The following THAP4 variants were observed in gnomAD, a reference collection of about 807,000 sequenced individuals.
The protein encoded by THAP4 is peroxynitrite isomerase THAP4.
Under a neutral mutation model 48.1 loss-of-function variants are expected in THAP4, and 18 were observed. The ratio of observed to expected loss-of-function variants is 0.37; its 90% CI spans 0.26 to 0.56. The LOEUF (loss-of-function observed/expected upper bound fraction) is 0.56. THAP4 is among the 20% of genes least tolerant of loss of function. The pLI, the probability that THAP4 is intolerant of heterozygous loss-of-function variation, is 0.78. For synonymous variants in THAP4, 345 were observed against 324.9 expected (o/e 1.06, Z -0.66); for missense variants, 656 against 774.9 (o/e 0.85, Z 1.82).
intron 2 of THAP4, among the ~76,000 whole-genome samples, chr2:241,631,214 T>C (rs2067555870): frequency 6.6e-6 from 1 of 152,208 alleles, no homozygotes. Flanking sequence ...GGCTTTGTTT[T>C]CGGTTGTGCT....
At position 241,633,359 on chromosome 2, in the gene THAP4, T is replaced by C. The variant is rs1443096749; in HGVS notation, c.798A>G (p.Glu266=). ...IDRKRLKKDV[E]PSCSGSSLGP... ...CCAGGCTGCTCCCACTGCAGCTTGG[T>C]TCCACATCTTTCTTCAGCCTCTTGC... The change falls in exon 2 of 6, where the codon GAA becomes GAG. Residue 266 remains glutamate, a synonymous_variant. Transcript: ENST00000407315. This position sits in a 1 kb window ranked among gnomAD's most constrained non-coding sequence, Gnocchi z 7.5. 1 of 1,612,666 alleles carries C rather than the reference T, an allele frequency of 6.2e-7. No homozygotes were observed. Among genetic ancestry groups the C allele is most frequent in the Non-Finnish European group, 8.5e-7 (1 of 1,179,956 alleles).
intron 5 of THAP4, among the ~76,000 whole-genome samples, chr2:241,593,377 T>A (rs1364420725): frequency 4.6e-5 from 7 of 152,308 alleles, no homozygotes; most frequent in African/African-American, 1.4e-4. Context: ...GCACTGTGTC[T>A]CCTGCAACAG....
At chr2:241,629,231 A>G (rs2067529407) in intron 2 of THAP4, among the ~76,000 whole-genome samples, 1 of 152,102 alleles carries the variant, frequency 6.6e-6, no homozygotes, top group Non-Finnish European at 1.5e-5. Flanking sequence ...GAGCTTTGGG[A>G]GGCTGAGACG....
Position 241,633,340 on chromosome 2 carries a change from T to C in THAP4, c.817A>G (p.Ser273Gly). 6.2e-7 allele frequency: 1 copy of C among 1,612,632 alleles called. No homozygotes were observed. Among genetic ancestry groups the C allele is most frequent in the Non-Finnish European group, 8.5e-7 (1 of 1,179,994 alleles). Residue 273 changes from serine (S) to glycine (G), a missense_variant, in exon 2 of 6, where the codon AGC (serine) becomes GGC (glycine). Around this residue, in one of 4 missense-constraint regions of THAP4, gnomAD observed 391 missense variants for 412.4 expected, o/e 0.95. Transcript: ENST00000407315. This position sits in a 1 kb window ranked among gnomAD's most constrained non-coding sequence, Gnocchi z 7.5. ...GCCAGGCCCTTGTCGGGTCCCAGGCTGCTCCCACTGCAGCTTGGTTCCACA... is the reference window on the plus strand; with the variant it reads ...GCCAGGCCCTTGTCGGGTCCCAGGCCGCTCCCACTGCAGCTTGGTTCCACA... ...KDVEPSCSGS[S>G]LGPDKGLAQS... is the part of the protein sequence containing the mutation.
intron 4 of THAP4, 192 bp from the exon 5 acceptor site, chr2:241,602,191 C>T (rs935910071): frequency 1.6e-6 from 1 of 613,706 alleles, no homozygotes; most frequent in Non-Finnish European, 2.9e-6. Context: ...CCTCACAGAA[C>T]AGGCAGGTGC....
In THAP4 at chr2:241,601,992, C is replaced by T. The variant is rs1483055645; in HGVS notation, c.1518G>A (p.Val506=). The part of the protein sequence containing the change: ...AFVSAQNTGV[V]EVEEGEVNGQ... ...CGTTCACCTCGCCCTCCTCCACTTC[C>T]ACCACGCCTGCAAGGGAAGGGCAGT... Residue 506 remains valine, a synonymous_variant, in exon 5 of 6, where the codon GTG becomes GTA. Coordinates refer to ENST00000407315, the MANE Select transcript of THAP4 (RefSeq NM_015963.6). The surrounding 1 kb of genome is among the most constrained non-coding windows in gnomAD (Gnocchi z 4.0). The T allele has an allele frequency of 2.5e-6, 4 of 1,611,488 alleles. No individual in the cohort carries two copies. Among genetic ancestry groups the T allele is most frequent in the Admixed American group, 1.7e-5 (1 of 60,012 alleles).
intron 5 of THAP4, among the ~76,000 whole-genome samples, chr2:241,597,023 G>A (rs1366060413): frequency 6.6e-6 from 1 of 152,198 alleles, no homozygotes; most frequent in Non-Finnish European, 1.5e-5. Context: ...AAGTAATTGT[G>A]CTACATTAGA....
chr2:241,606,486 G>T lies in THAP4; in HGVS notation c.1241-13C>A. On this transcript the variant is annotated splice_polypyrimidine_tract_variant and intron_variant, in intron 2 of 5. Coordinates refer to ENST00000407315, the MANE Select transcript of THAP4 (RefSeq NM_015963.6). ...ATCTTGGGGGGCTCTGAGGACAAAA[G>T]AATGAGACTATCAGTGGCCTCCCTC... 1 of 1,589,168 alleles carries T rather than the reference G, an allele frequency of 6.3e-7. No homozygotes were observed. The highest frequency in any genetic ancestry group is 8.6e-7 in the Non-Finnish European group (1 of 1,166,016).
intron 5 of THAP4, among the ~76,000 whole-genome samples, chr2:241,593,327 C>T (rs1339947120): frequency 2.6e-5 from 4 of 152,202 alleles, no homozygotes; most frequent in Non-Finnish European, 4.4e-5. Flanking sequence ...CCCAGCAAGC[C>T]GGCACAGAGC....
intron 5 of THAP4, among the ~76,000 whole-genome samples, chr2:241,587,906 A>G (rs2066911746): frequency 6.6e-6 from 1 of 150,920 alleles, no homozygotes; most frequent in East Asian, 1.9e-4. Context: ...CAAGAGAGAA[A>G]CTCCATCTCA....
At chr2:241,622,532 G>C (rs918955124) in intron 2 of THAP4, among the ~76,000 whole-genome samples, 2 of 152,064 alleles carry the variant, frequency 1.3e-5, no homozygotes, top group Non-Finnish European at 2.9e-5. Context: ...GAGCATCAGA[G>C]AGAAGTAAGT....
At chr2:241,598,489 G>A (rs1239351282) in intron 5 of THAP4, among the ~76,000 whole-genome samples, 1 of 152,140 alleles carries the variant, frequency 6.6e-6, no homozygotes, top group Non-Finnish European at 1.5e-5. Flanking sequence ...CAAACTTTTT[G>A]GCCCCAGGAA....
chr2:241,609,012 C>T (rs1361286919), intron 2 of THAP4, among the ~76,000 whole-genome samples: 5 of 152,188 alleles, frequency 3.3e-5, no homozygotes, highest in African/African-American at 9.6e-5. Flanking sequence ...CCTCACCCCT[C>T]GGAAGGGCCG....
chr2:241,617,459 G>T (rs1559229422), intron 2 of THAP4: 2 of 1,551,040 alleles, frequency 1.3e-6, no homozygotes. Context: ...GGTTCCTCAA[G>T]GTTGTTTTCT....
In THAP4 at chr2:241,606,314, GAGA is replaced by G; in HGVS notation, c.1397_1399del (p.Phe466del). 1 of 1,551,522 alleles carries G rather than the reference GAGA, an allele frequency of 6.4e-7. No individual in the cohort carries two copies. The highest frequency in any genetic ancestry group is 1.2e-5 in the South Asian group (1 of 84,126). ...GGTGGGGTGGAGGGAGACAACTTACGAGAAGTTCAGCATGGGCTGGCCCACGTG... is the reference window on the plus strand; with the variant it reads ...GGTGGGGTGGAGGGAGACAACTTACGAGTTCAGCATGGGCTGGCCCACGTG... On this transcript the variant is annotated inframe_deletion and splice_region_variant, in exon 3 of 6. Coordinates refer to ENST00000407315, the MANE Select transcript of THAP4 (RefSeq NM_015963.6).
upstream of THAP4, chr2:241,637,573 G>C: frequency 6.6e-7 from 1 of 1,507,892 alleles, no homozygotes; most frequent in Non-Finnish European, 8.8e-7. Context: ...GGCGGCTCCC[G>C]CGTATTTCCG....
In THAP4 at chr2:241,621,866, C is replaced by T. The variant is rs189911709; in HGVS notation, c.1240+11051G>A. Among the ~76,000 whole-genome samples the T allele has an allele frequency of 6.0e-3, 898 of 149,434 alleles. 8 individuals carry two copies. Among genetic ancestry groups the T allele is most frequent in the Non-Finnish European group, 1.0e-2 (672 of 67,412 alleles). On this transcript the variant is annotated intron_variant, in intron 2 of 5. Coordinates refer to ENST00000407315, the MANE Select transcript of THAP4 (RefSeq NM_015963.6). The stretch of plus-strand genomic sequence containing the variant: ...GCAGAAAACCAAAGACTAAGAGAAT[C>T]AAAAGGAAAAAAAATCCTTACATGT...
chr2:241,617,638 G>T, intron 2 of THAP4: 1 of 604,060 alleles, frequency 1.7e-6, no homozygotes, highest in Non-Finnish European at 2.8e-6. Context: ...GAGCTGGAAG[G>T]AGCTTTGGAG....
intron 2 of THAP4, among the ~76,000 whole-genome samples, chr2:241,628,623 A>C (rs958448054): frequency 2.0e-5 from 3 of 150,636 alleles, no homozygotes; most frequent in Non-Finnish European, 4.4e-5. Flanking sequence ...TGGGACTGCC[A>C]CAACAGTCAC....
Sources: gnomAD v4.1 joint callset for allele counts (sites outside exome capture counted in the v4.1 genomes callset) on GRCh38, gnomAD v4.1.1 for gene constraint, gnomAD v4.1.1 regional missense constraint, Gnocchi (gnomAD v3.1) non-coding constraint, MANE v1.5 for transcripts, NCBI Gene and HGNC (gene_info 2026-07-23, HGNC 2026-07-21) for gene names.